The following AGAP1 variants were observed in gnomAD, a reference collection of about 807,000 sequenced individuals.
The protein encoded by AGAP1 is ArfGAP with GTPase domain, ankyrin repeat and PH domain 1, also known as arf-GAP with GTPase, ANK repeat and PH domain-containing protein 1.
A neutral mutation model predicts 105.3 loss-of-function variants in AGAP1; 29 were observed. The ratio of observed to expected loss-of-function variants is 0.28; its 90% CI spans 0.21 to 0.38. AGAP1 has a LOEUF of 0.38. AGAP1 is among the 10% of genes least tolerant of loss of function. The pLI, the probability that AGAP1 is intolerant of heterozygous loss-of-function variation, is 1.00. For synonymous variants in AGAP1, 509 were observed against 485.9 expected, an observed-to-expected ratio of 1.05 and a Z score of -0.63; for missense variants, 998 against 1,165.1, an observed-to-expected ratio of 0.86 and a Z score of 2.09.
At chr2:235,775,993 CTAAGA>C (rs915900927) in intron 6 of AGAP1, among the ~76,000 whole-genome samples, 4 of 152,086 alleles carry the variant, frequency 2.6e-5, no homozygotes, top group Non-Finnish European at 5.9e-5. Context: ...GAAGGTTTTC[CTAAGA>C]TATTTTCCTA....
chr2:235,934,803 C>A lies in AGAP1; in HGVS notation c.1483+3880C>A, dbSNP rs1575819510. Among the ~76,000 whole-genome samples the A allele has an allele frequency of 6.6e-6, 1 of 152,104 alleles. No individual in the cohort carries two copies. Among genetic ancestry groups the A allele is most frequent in the South Asian group, 2.1e-4 (1 of 4,828 alleles). On this transcript the variant is annotated intron_variant, in intron 12 of 17. Transcript: ENST00000304032. The surrounding 1 kb of genome is among the most constrained non-coding windows in gnomAD (Gnocchi z 4.9). Reference sequence around the variant, plus strand: ...CCTAAGCAGCTTTGGAATACAGACGCCCGTGTTGGCAAGTGTGCCTTCCCA... The same window carrying A: ...CCTAAGCAGCTTTGGAATACAGACGACCGTGTTGGCAAGTGTGCCTTCCCA...
intron 1 of AGAP1, among the ~76,000 whole-genome samples, chr2:235,497,832 G>C (rs900770415): frequency 6.6e-6 from 1 of 152,092 alleles, no homozygotes; most frequent in African/African-American, 2.4e-5. Flanking sequence ...TCCTAACCTC[G>C]TGATCCACCC....
rs1208066892 is a variant in AGAP1, at chr2:235,957,707, A to G, written c.1484-10755A>G. Among the ~76,000 whole-genome samples the G allele has an allele frequency of 6.6e-6, 1 of 152,214 alleles. No homozygotes were observed. The highest frequency in any genetic ancestry group is 6.5e-5 in the Admixed American group (1 of 15,288). On this transcript the variant is annotated intron_variant, in intron 12 of 17. Transcript: ENST00000304032. This position sits in a 1 kb window ranked among gnomAD's most constrained non-coding sequence, Gnocchi z 4.6. ...GCCTGTTCTTTATTTACCGGCCTAC[A>G]CATCTCTGTAAGCTTCAGAAAGAAC...
intron 11 of AGAP1, among the ~76,000 whole-genome samples, chr2:235,910,900 G>GA (rs1553674272): frequency 6.6e-6 from 1 of 150,898 alleles, no homozygotes; most frequent in Non-Finnish European, 1.5e-5. Flanking sequence ...GCGCGACAGA[G>GA]TGAGACTCCG....
rs142015838 is a variant in AGAP1 at position 235,696,460 on chromosome 2, C to T, written c.164-12719C>T. Among the ~76,000 whole-genome samples, 556 of 152,220 alleles carry T rather than the reference C, an allele frequency of 3.7e-3. 1 individual carries two copies. Among genetic ancestry groups the T allele is most frequent in the Admixed American group, 8.6e-3 (131 of 15,298 alleles). On this transcript the variant is annotated intron_variant, in intron 1 of 17. Transcript: ENST00000304032. ...ACAGTGGACATTTCAGTGTGAAGGG[C>T]GGGTCGGGTGCCCCAGCTTCCACGC...
intron 13 of AGAP1, among the ~76,000 whole-genome samples, chr2:236,032,126 G>A (rs1193661884): frequency 6.6e-6 from 1 of 152,158 alleles, no homozygotes; most frequent in East Asian, 1.9e-4. Flanking sequence ...TGGGGATGGG[G>A]ATAAAACCCT....
At chr2:235,825,272 C>T (rs1436645095) in intron 9 of AGAP1, among the ~76,000 whole-genome samples, 2 of 152,320 alleles carry the variant, frequency 1.3e-5, no homozygotes, top group African/African-American at 4.8e-5. Flanking sequence ...GTGAAAGATG[C>T]AGAAACCGTT....
At chr2:235,928,983 T>C (rs2052587595) in intron 11 of AGAP1, among the ~76,000 whole-genome samples, 1 of 152,206 alleles carries the variant, frequency 6.6e-6, no homozygotes. Flanking sequence ...GGGCTCCAAA[T>C]GACGCTGTGT....
Position 235,557,007 on chromosome 2 carries a change from T to C in AGAP1, c.163+62158T>C, listed in dbSNP as rs544590333. Among the ~76,000 whole-genome samples the C allele has an allele frequency of 6.6e-6, 1 of 152,338 alleles. No individual in the cohort carries two copies. Among genetic ancestry groups the C allele is most frequent in the South Asian group, 2.1e-4 (1 of 4,832 alleles). ...CTCTTTTGTGCAACTCAGGGCTTTCTGGAGGTTGGGGGGCGGATCCCGAAG... is the reference window on the plus strand; with the variant it reads ...CTCTTTTGTGCAACTCAGGGCTTTCCGGAGGTTGGGGGGCGGATCCCGAAG... On this transcript the variant is annotated intron_variant, in intron 1 of 17. Coordinates refer to ENST00000304032, the MANE Select transcript of AGAP1 (RefSeq NM_001037131.3). The surrounding 1 kb of genome is among the most constrained non-coding windows in gnomAD (Gnocchi z 4.7).
chr2:235,946,979 T>C (rs1453025848), intron 12 of AGAP1, among the ~76,000 whole-genome samples: 1 of 152,226 alleles, frequency 6.6e-6, no homozygotes, highest in Non-Finnish European at 1.5e-5. Context: ...CCAGTCACCT[T>C]CTGACAGCCT....
chr2:235,813,505 C>T (rs1337509558), intron 9 of AGAP1, among the ~76,000 whole-genome samples: 1 of 152,228 alleles, frequency 6.6e-6, no homozygotes, highest in Non-Finnish European at 1.5e-5. Context: ...TTATCTCCCT[C>T]GCAGGGCATG....
At chr2:235,688,105 C>T (rs1276393500) in intron 1 of AGAP1, among the ~76,000 whole-genome samples, 1 of 151,946 alleles carries the variant, frequency 6.6e-6, no homozygotes, top group Non-Finnish European at 1.5e-5. Flanking sequence ...TTTCACCATG[C>T]TGGCCAGGCT....
chr2:235,860,088 TCTC>T (rs538031359), intron 9 of AGAP1, among the ~76,000 whole-genome samples: 9 of 152,160 alleles, frequency 5.9e-5, no homozygotes, highest in Non-Finnish European at 1.0e-4. Context: ...GTTTTCTTCT[TCTC>T]CTCCTCCTCC....
Position 236,044,767 on chromosome 2 carries a change from T to TCACA in AGAP1, c.1891+3945_1891+3948dup, listed in dbSNP as rs34701466. Among the ~76,000 whole-genome samples, 57 of 150,216 alleles carry TCACA rather than the reference T, an allele frequency of 3.8e-4. No homozygotes were observed. The highest frequency in any genetic ancestry group is 1.8e-3 in the East Asian group (9 of 5,098). ...CCTTCCCTGACCTCCAGGTTTGAAA[T>TCACA]CACACACACACACACACACACATCC... On this transcript the variant is annotated intron_variant, in intron 15 of 17. Transcript: ENST00000304032. The surrounding 1 kb of genome is among the most constrained non-coding windows in gnomAD (Gnocchi z 5.7).
intron 1 of AGAP1, among the ~76,000 whole-genome samples, chr2:235,697,137 C>T (rs1463971405): frequency 6.6e-6 from 1 of 152,142 alleles, no homozygotes; most frequent in Non-Finnish European, 1.5e-5. Flanking sequence ...TTTAGGTCTG[C>T]GTGGAAAGGG....
Position 235,551,488 on chromosome 2 carries a change from C to T in AGAP1, c.163+56639C>T, listed in dbSNP as rs1424390684. On this transcript the variant is annotated intron_variant, in intron 1 of 17. Coordinates refer to ENST00000304032, the MANE Select transcript of AGAP1 (RefSeq NM_001037131.3). This position sits in a 1 kb window ranked among gnomAD's most constrained non-coding sequence, Gnocchi z 4.8. ...ACCTGGCTGATTTTTTTTGTAGAGACGGGTCGTCCAGTGATACTCAGATTG... is the reference window on the plus strand; with the variant it reads ...ACCTGGCTGATTTTTTTTGTAGAGATGGGTCGTCCAGTGATACTCAGATTG... Among the ~76,000 whole-genome samples, 4 of 151,946 alleles carry T rather than the reference C, an allele frequency of 2.6e-5. No individual in the cohort carries two copies. In the East Asian group the frequency reaches 5.8e-4, roughly 22 times the overall value.
rs370348672 is a variant in AGAP1 at position 235,849,866 on chromosome 2, CAT to C, written c.1051-33478_1051-33477del. 2.2e-4 allele frequency among the ~76,000 whole-genome samples: 33 copies of C among 152,372 alleles called. No individual in the cohort carries two copies. The East Asian group carries it at 4.2e-3, about 20-fold the overall frequency. ...CCAGTGCTCCTGTCCCCATCTCACACATGTGTGGAACAAGCCACTCACACCCT... is the reference window on the plus strand; with the variant it reads ...CCAGTGCTCCTGTCCCCATCTCACACGTGTGGAACAAGCCACTCACACCCT... On this transcript the variant is annotated intron_variant, in intron 9 of 17. Coordinates refer to ENST00000304032, the MANE Select transcript of AGAP1 (RefSeq NM_001037131.3).
At chr2:235,545,416 G>A in intron 1 of AGAP1, among the ~76,000 whole-genome samples, 1 of 152,222 alleles carries the variant, frequency 6.6e-6, no homozygotes, top group East Asian at 1.9e-4. Flanking sequence ...TGGCGTGTGA[G>A]CCCTTACTTA....
At chr2:236,122,797 C>G (rs1234426453) in intron 17 of AGAP1, among the ~76,000 whole-genome samples, 1 of 151,400 alleles carries the variant, frequency 6.6e-6, no homozygotes, top group East Asian at 1.9e-4. Flanking sequence ...ATTCTCCTGC[C>G]TCAGCCTCCT....
Sources: gnomAD v4.1 joint callset for allele counts (sites outside exome capture counted in the v4.1 genomes callset) on GRCh38, gnomAD v4.1.1 for gene constraint, Gnocchi (gnomAD v3.1) non-coding constraint, MANE v1.5 for transcripts, NCBI Gene and HGNC (gene_info 2026-07-23, HGNC 2026-07-21) for gene names.